The following ARHGAP22 variants were observed in gnomAD, a reference collection of about 807,000 sequenced individuals.
The protein encoded by ARHGAP22 is rho GTPase-activating protein 22.
Under a neutral mutation model 59.1 loss-of-function variants are expected in ARHGAP22, and 48 were observed. That is an observed-to-expected ratio of 0.81 (90% confidence interval 0.64 to 1.03). ARHGAP22 has a LOEUF of 1.03. Among genes scored for constraint, ARHGAP22 ranks in the 50% least tolerant of loss-of-function variants. ARHGAP22 has a pLI of 0.00. For synonymous variants in ARHGAP22, 445 were observed against 416.4 expected, an observed-to-expected ratio of 1.07 and a Z score of -0.84; for missense variants, 1,015 against 958.7, an observed-to-expected ratio of 1.06 and a Z score of -0.78.
chr10:48,456,346 T>C (rs955761291), intron 5 of ARHGAP22, among the ~76,000 whole-genome samples: 1 of 152,176 alleles, frequency 6.6e-6, no homozygotes, highest in Non-Finnish European at 1.5e-5. Flanking sequence ...CAAATCCATA[T>C]ACCTGGGGCC....
intron 4 of ARHGAP22, among the ~76,000 whole-genome samples, chr10:48,465,107 C>CT (rs2133869487): frequency 6.6e-6 from 1 of 152,302 alleles, no homozygotes; most frequent in South Asian, 2.1e-4. Context: ...GCTGAACTCC[C>CT]TCAGCTCTCC....
chr10:48,628,131 A>G (rs1565023243), intron 1 of ARHGAP22, among the ~76,000 whole-genome samples: 2 of 152,144 alleles, frequency 1.3e-5, no homozygotes, highest in South Asian at 4.1e-4. Flanking sequence ...AGGGTGTCTG[A>G]CTGGCCACCC....
intron 3 of ARHGAP22, among the ~76,000 whole-genome samples, chr10:48,481,877 T>C (rs982293352): frequency 1.2e-4 from 19 of 152,242 alleles, no homozygotes; most frequent in Admixed American, 5.2e-4. Flanking sequence ...TGGACATCTT[T>C]TATGTATTTA....
intron 3 of ARHGAP22, among the ~76,000 whole-genome samples, chr10:48,485,222 TC>T (rs1252758762): frequency 2.6e-5 from 4 of 152,234 alleles, no homozygotes; most frequent in African/African-American, 9.6e-5. Flanking sequence ...TTGGTCTTTT[TC>T]TAGTTTCTTC....
chr10:48,555,183 G>A (rs534510104), intron 3 of ARHGAP22, among the ~76,000 whole-genome samples: 2 of 152,324 alleles, frequency 1.3e-5, no homozygotes, highest in South Asian at 4.1e-4. Flanking sequence ...TTTTCACCCT[G>A]AGATGTTCCC....
chr10:48,485,594 T>G (rs1049280880), intron 3 of ARHGAP22, among the ~76,000 whole-genome samples: 2 of 152,238 alleles, frequency 1.3e-5, no homozygotes, highest in Non-Finnish European at 2.9e-5. Flanking sequence ...GAGAAGGCTA[T>G]TCAAATCTCC....
At chr10:48,533,172 T>G (rs2055022501) in intron 3 of ARHGAP22, among the ~76,000 whole-genome samples, 1 of 150,504 alleles carries the variant, frequency 6.6e-6, no homozygotes, top group Admixed American at 6.6e-5. Flanking sequence ...GCAGACTCAT[T>G]GTTCTGTTGT....
chr10:48,453,328 C>G lies in ARHGAP22; in HGVS notation c.964G>C (p.Glu322Gln). 6.2e-7 allele frequency: 1 copy of G among 1,613,972 alleles called. No homozygotes were observed. The highest frequency in any genetic ancestry group is 8.5e-7 in the Non-Finnish European group (1 of 1,179,960). ...CCTTCCATGATGGTTACTGGGTCCT[C>G]TACCTGTGGCCGCAGAATGTTAGGT... ...FGPNILRPQV[E>Q]DPVTIMEGTS... Residue 322 changes from glutamate (E) to glutamine (Q), a missense_variant, in exon 8 of 10, where the codon GAG becomes CAG. Coordinates refer to ENST00000249601, the MANE Select transcript of ARHGAP22 (RefSeq NM_021226.4).
chr10:48,518,057 T>C (rs1375142332), intron 3 of ARHGAP22, among the ~76,000 whole-genome samples: 2 of 152,082 alleles, frequency 1.3e-5, no homozygotes, highest in Non-Finnish European at 2.9e-5. Flanking sequence ...GGTTCCCTTT[T>C]TGAAAAACCC....
Position 48,451,062 on chromosome 10 carries a change from C to A in ARHGAP22, c.1067G>T (p.Gly356Val). ...CAGGCCCCCGCGCGGGGAGGTGGGC[C>A]CTTCCGGGACCGGTGCCGTGAAGAG... ...SQLFTAPVPEGPTSPRGGLQC... is the reference protein window; with the variant it reads ...SQLFTAPVPEVPTSPRGGLQC... Residue 356 changes from glycine to valine, a missense_variant, in exon 9 of 10, where the codon GGG becomes GTG. Coordinates refer to ENST00000249601, the MANE Select transcript of ARHGAP22 (RefSeq NM_021226.4). The A allele has an allele frequency of 6.4e-7, 1 of 1,552,248 alleles. No homozygotes were observed.
At chr10:48,604,648 G>T in intron 1 of ARHGAP22, 115 bp downstream of exon 1, 1 of 1,525,808 alleles carries the variant, frequency 6.6e-7, no homozygotes, top group Non-Finnish European at 9.0e-7. Flanking sequence ...CAGCGGCAAT[G>T]GTCCCAGAAC....
intron 1 of ARHGAP22, among the ~76,000 whole-genome samples, chr10:48,591,035 T>G (rs1317242621): frequency 6.6e-6 from 1 of 152,218 alleles, no homozygotes; most frequent in East Asian, 1.9e-4. Context: ...ATTGCTCTTA[T>G]GTGGCAGAGC....
chr10:48,505,122 C>T (rs1363944789), intron 3 of ARHGAP22, among the ~76,000 whole-genome samples: 20 of 152,276 alleles, frequency 1.3e-4, no homozygotes, highest in South Asian at 4.1e-4. Flanking sequence ...GGCACAATCT[C>T]GGCTCACTCC....
intron 2 of ARHGAP22, among the ~76,000 whole-genome samples, chr10:48,576,902 T>TCCCCCCCCCCCCCCCCCCCC (rs1554927401): frequency 7.1e-6 from 1 of 141,354 alleles, no homozygotes; most frequent in African/African-American, 2.6e-5. Flanking sequence ...CACTCACCCA[T>TCCCCCCCCCCCCCCCCCCCC]CCCTCCCCAC....
intron 3 of ARHGAP22, among the ~76,000 whole-genome samples, chr10:48,521,000 G>A (rs1021720912): frequency 2.6e-5 from 4 of 152,046 alleles, no homozygotes; most frequent in African/African-American, 9.7e-5. Flanking sequence ...CCACCAAACA[G>A]ACCCATCACA....
At chr10:48,554,533 G>A (rs1392004028) in intron 3 of ARHGAP22, among the ~76,000 whole-genome samples, 2 of 152,168 alleles carry the variant, frequency 1.3e-5, no homozygotes, top group South Asian at 2.1e-4. Flanking sequence ...TTCCCATCAC[G>A]CTGCCAGTGG....
chr10:48,517,120 G>A (rs772569589), intron 3 of ARHGAP22, among the ~76,000 whole-genome samples: 47 of 152,250 alleles, frequency 3.1e-4, no homozygotes, highest in Non-Finnish European at 6.0e-4. Context: ...ACAGGCATGG[G>A]GTTTCTTTCC....
chr10:48,625,897 A>G (rs1253476982), intron 1 of ARHGAP22, among the ~76,000 whole-genome samples: 1 of 152,190 alleles, frequency 6.6e-6, no homozygotes, highest in Non-Finnish European at 1.5e-5. Flanking sequence ...TTATATGTGC[A>G]CAGGACTTAG....
intron 1 of ARHGAP22, among the ~76,000 whole-genome samples, chr10:48,635,983 C>T (rs552476440): frequency 2.6e-5 from 4 of 152,282 alleles, no homozygotes; most frequent in East Asian, 1.9e-4. Context: ...AGTTGTAAAC[C>T]GTGCAAGGTG....
Sources: allele counts gnomAD v4.1 joint callset (sites outside exome capture counted in the v4.1 genomes callset), GRCh38; gene constraint gnomAD v4.1.1; transcripts MANE v1.5; gene names NCBI Gene and HGNC (gene_info 2026-07-23, HGNC 2026-07-21).